PRICKLE2: variants seen among roughly 807,000 people sequenced by gnomAD.
PRICKLE2 encodes the protein prickle-like protein 2.
PRICKLE2 carries 21 observed loss-of-function variants against 81.4 expected under a neutral mutation model. That is an observed-to-expected ratio of 0.26 (90% CI 0.18 to 0.37). The LOEUF (loss-of-function observed/expected upper bound fraction) is 0.37, where lower values mean the gene tolerates loss of function less well. Among genes scored for constraint, PRICKLE2 ranks in the 10% least tolerant of loss-of-function variants. The probability of loss-of-function intolerance (pLI) is 1.00; values close to 1 mark genes in which losing one functional copy is unlikely to be tolerated. For synonymous variants in PRICKLE2, 456 were observed against 421.5 expected, an observed-to-expected ratio of 1.08 and a Z score of -1.00; for missense variants, 940 against 1,109.0, an observed-to-expected ratio of 0.85 and a Z score of 2.16.
rs1168075761 is a variant in PRICKLE2 at position 64,115,698 on chromosome 3, G to T, written c.1661-15773C>A. 6.6e-5 allele frequency among the ~76,000 whole-genome samples: 10 copies of T among 152,242 alleles called. No homozygotes were observed. The East Asian group carries it at 1.9e-3, about 29-fold the overall frequency. Reference sequence around the variant, plus strand: ...ACACAGGAGCACCCAGATTCAAAAAGCAAGTTCTTAGAGACCTTCAAAGAG... The same window carrying T: ...ACACAGGAGCACCCAGATTCAAAAATCAAGTTCTTAGAGACCTTCAAAGAG... On this transcript the variant is annotated intron_variant, in intron 7 of 7. Coordinates refer to ENST00000638394, the MANE Select transcript of PRICKLE2 (RefSeq NM_198859.4).
chr3:64,204,235 A>G (rs1051858795), intron 1 of PRICKLE2, among the ~76,000 whole-genome samples: 1 of 152,014 alleles, frequency 6.6e-6, no homozygotes, highest in African/African-American at 2.4e-5. Flanking sequence ...GAAGCAGGAT[A>G]TGGGAGGTCA....
intron 2 of PRICKLE2, among the ~76,000 whole-genome samples, chr3:64,173,378 C>G (rs1399042782): frequency 6.6e-6 from 1 of 151,750 alleles, no homozygotes; most frequent in Non-Finnish European, 1.5e-5. Context: ...ATATAATAGG[C>G]AAAACAGTCT....
chr3:64,242,072 T>C (rs3911777), intron 2 of PRICKLE2, among the ~76,000 whole-genome samples: 26,886 of 152,046 alleles, frequency 0.18, 2,439 homozygotes, highest in East Asian at 0.22. Flanking sequence ...ATGCCAAGTG[T>C]GCCTTCTAAT....
intron 2 of PRICKLE2, among the ~76,000 whole-genome samples, chr3:64,244,695 G>A (rs992126349): frequency 9.9e-5 from 15 of 151,632 alleles, no homozygotes; most frequent in Non-Finnish European, 5.9e-5. Context: ...AATGGGAATG[G>A]ATATATTCAT....
rs2076600910 is a variant in PRICKLE2 at position 64,098,424 on chromosome 3, T to C, written c.*627A>G. The C allele has an allele frequency of 7.5e-6, 1 of 133,396 alleles. No homozygotes were observed. The highest frequency in any genetic ancestry group is 2.9e-5 in the African/African-American group (1 of 34,980). The allele number at this position is 133,396 out of a possible 1,614,324, so 8.3% of individuals were successfully genotyped here. On this transcript the variant is annotated 3_prime_UTR_variant, in exon 8 of 8. Transcript: ENST00000638394. ...TTCAGCCACAAAAAGCCAAATTGAA[T>C]ATGTTCCTTTGAAAAAGGTCTCACT...
At chr3:64,117,462 A>G (rs1363806576) in intron 7 of PRICKLE2, among the ~76,000 whole-genome samples, 1 of 152,196 alleles carries the variant, frequency 6.6e-6, no homozygotes, top group African/African-American at 2.4e-5. Context: ...CCACAGTCCC[A>G]GCCCACAAGC....
intron 1 of PRICKLE2, among the ~76,000 whole-genome samples, chr3:64,210,962 T>C (rs1272322762): frequency 2.0e-5 from 3 of 152,026 alleles, no homozygotes; most frequent in Non-Finnish European, 4.4e-5. Flanking sequence ...AGGATGCCAA[T>C]AGAGTGTAAG....
At chr3:64,248,821 C>T (rs1387584748) in intron 2 of PRICKLE2, among the ~76,000 whole-genome samples, 1 of 152,008 alleles carries the variant, frequency 6.6e-6, no homozygotes, top group East Asian at 1.9e-4. Context: ...AATAACAGAC[C>T]ATGATAACAT....
intron 2 of PRICKLE2, among the ~76,000 whole-genome samples, chr3:64,193,723 T>A (rs940379963): frequency 6.6e-6 from 1 of 152,148 alleles, no homozygotes. Context: ...TTGGGGCAGG[T>A]CTTTCCCATG....
intron 3 of PRICKLE2, among the ~76,000 whole-genome samples, chr3:64,160,540 G>A (rs532711254): frequency 6.4e-4 from 97 of 152,294 alleles, no homozygotes; most frequent in African/African-American, 2.1e-3. Flanking sequence ...GTGTCCACGT[G>A]CTCACAGCTT....
chr3:64,180,774 C>A (rs1208990519), intron 2 of PRICKLE2, among the ~76,000 whole-genome samples: 6 of 152,140 alleles, frequency 3.9e-5, no homozygotes, highest in Non-Finnish European at 8.8e-5. Context: ...CTCACGTGAT[C>A]CACCCATCTT....
Position 64,099,539 on chromosome 3 carries a change from G to T in PRICKLE2, c.2047C>A (p.Arg683=). ...CGGGAACGCCTGGACCTGTGAGGTCGGAAACGGCGGTTGTCGTCGCGTGAA... is the reference window on the plus strand; with the variant it reads ...CGGGAACGCCTGGACCTGTGAGGTCTGAAACGGCGGTTGTCGTCGCGTGAA... The part of the protein sequence containing the change: ...ATSRDDNRRF[R]PHRSRRSRRS... Residue 683 remains arginine, a synonymous_variant, in exon 8 of 8, where the codon CGA becomes AGA. Coordinates refer to ENST00000638394, the MANE Select transcript of PRICKLE2 (RefSeq NM_198859.4). The surrounding 1 kb of genome is among the most constrained non-coding windows in gnomAD (Gnocchi z 4.3). 1 of 1,607,152 alleles carries T rather than the reference G, an allele frequency of 6.2e-7. No homozygotes were observed. Among genetic ancestry groups the T allele is most frequent in the East Asian group, 2.2e-5 (1 of 44,740 alleles).
At chr3:64,144,775 G>A (rs910798409) in intron 7 of PRICKLE2, among the ~76,000 whole-genome samples, 19 of 152,220 alleles carry the variant, frequency 1.2e-4, no homozygotes, top group African/African-American at 4.6e-4. Context: ...AAAGCACAAA[G>A]AGCTCAGTAT....
rs187802758 is a variant in PRICKLE2, at chr3:64,168,803, G to A, written c.145-5674C>T. On this transcript the variant is annotated intron_variant, in intron 2 of 7. Transcript: ENST00000638394. The stretch of plus-strand genomic sequence containing the variant: ...CAGTAGATTCCCAATAGGTCTGCGT[G>A]GCTGACCACAGAAACGATGAACACA... 6.6e-5 allele frequency among the ~76,000 whole-genome samples: 10 copies of A among 152,266 alleles called. No individual in the cohort carries two copies. The East Asian group carries it at 1.5e-3, about 24-fold the overall frequency.
chr3:64,163,402 C>A (rs936635398), intron 2 of PRICKLE2: 5 of 498,804 alleles, frequency 1.0e-5, no homozygotes, highest in Non-Finnish European at 1.8e-5. Flanking sequence ...GAGAATTCAG[C>A]AGACATGCTG....
chr3:64,108,859 CTTTG>C (rs1305783617), intron 7 of PRICKLE2, among the ~76,000 whole-genome samples: 5 of 152,286 alleles, frequency 3.3e-5, no homozygotes, highest in South Asian at 2.1e-4. Context: ...CTGGATAATT[CTTTG>C]TTTGGTGGGC....
At chr3:64,210,811 GA>G (rs2078773829) in intron 1 of PRICKLE2, among the ~76,000 whole-genome samples, 1 of 152,160 alleles carries the variant, frequency 6.6e-6, no homozygotes, top group African/African-American at 2.4e-5. Flanking sequence ...TTGATTTGCA[GA>G]AATGATGCCT....
At chr3:64,206,502 G>A (rs917960736) in intron 1 of PRICKLE2, among the ~76,000 whole-genome samples, 4 of 152,180 alleles carry the variant, frequency 2.6e-5, no homozygotes, top group Non-Finnish European at 5.9e-5. Flanking sequence ...AGTGGGGTGT[G>A]AAAAGGCACT....
chr3:64,265,824 G>T (rs986843788), intron 2 of PRICKLE2, among the ~76,000 whole-genome samples: 1 of 152,180 alleles, frequency 6.6e-6, no homozygotes, highest in African/African-American at 2.4e-5. Flanking sequence ...TGGCTTAAAA[G>T]AAATCTTGGG....
Sources: gnomAD v4.1 joint callset for allele counts (sites outside exome capture counted in the v4.1 genomes callset) on GRCh38, gnomAD v4.1.1 for gene constraint, Gnocchi (gnomAD v3.1) non-coding constraint, MANE v1.5 for transcripts, NCBI Gene and HGNC (gene_info 2026-07-23, HGNC 2026-07-21) for gene names.